Variants in DNAAF9 observed in about 807,000 individuals in gnomAD.
DNAAF9 encodes the protein shulin.
DNAAF9 carries 90 observed loss-of-function variants against 167.0 expected under a neutral mutation model. The observed-to-expected ratio is 0.54, with a 90% CI of 0.45 to 0.64. The LOEUF (loss-of-function observed/expected upper bound fraction) is 0.64, where lower values mean the gene tolerates loss of function less well. Ranked by LOEUF, DNAAF9 falls within the 30% of genes least tolerant of loss-of-function variation. The pLI, the probability that DNAAF9 is intolerant of heterozygous loss-of-function variation, is 0.00. For synonymous variants in DNAAF9, 491 were observed against 508.8 expected (o/e 0.96, Z 0.47); for missense variants, 1,315 against 1,442.2 (o/e 0.91, Z 1.43).
intron 7 of DNAAF9, among the ~76,000 whole-genome samples, chr20:3,350,988 A>G (rs2070311709): frequency 1.3e-5 from 2 of 152,290 alleles, no homozygotes; most frequent in African/African-American, 4.8e-5. Flanking sequence ...GGATCTAGGG[A>G]TTACACATCC....
At chr20:3,328,014 A>C (rs2069743403) in intron 12 of DNAAF9, among the ~76,000 whole-genome samples, 1 of 152,156 alleles carries the variant, frequency 6.6e-6, no homozygotes, top group Non-Finnish European at 1.5e-5. Flanking sequence ...CCAAACCCAA[A>C]GACATGCAAA....
At chr20:3,327,824 T>C (rs924498673) in intron 12 of DNAAF9, among the ~76,000 whole-genome samples, 1 of 152,294 alleles carries the variant, frequency 6.6e-6, no homozygotes, top group Non-Finnish European at 1.5e-5. Flanking sequence ...CTGCACCACA[T>C]GCAGGACATG....
At chr20:3,332,900 G>GGGGTGT (rs1555793067) in intron 10 of DNAAF9, among the ~76,000 whole-genome samples, 4 of 146,840 alleles carry the variant, frequency 2.7e-5, no homozygotes, top group Admixed American at 6.8e-5. Flanking sequence ...GTGTGCGTGT[G>GGGGTGT]GTGTGTGTGT....
In DNAAF9 at chr20:3,251,812, C is replaced by T. The variant is rs1398444820; in HGVS notation, c.*760G>A. On this transcript the variant is annotated 3_prime_UTR_variant, in exon 37 of 37. Transcript: ENST00000252032. ...CCAGGGGGCCTGAGCAGCAGGCTTG[C>T]TCTTGTCCCTACATTAGGACACCCG... The T allele has an allele frequency of 6.6e-6, 1 of 152,318 alleles. No individual in the cohort carries two copies. Among genetic ancestry groups the T allele is most frequent in the Non-Finnish European group, 1.5e-5 (1 of 68,090 alleles). The allele number at this position is 152,318 out of a possible 1,614,324, so 9.4% of individuals were successfully genotyped here.
At chr20:3,278,292 G>C (rs530831688) in intron 29 of DNAAF9, among the ~76,000 whole-genome samples, 1 of 152,188 alleles carries the variant, frequency 6.6e-6, no homozygotes, top group African/African-American at 2.4e-5. Flanking sequence ...AGCACTCTTG[G>C]GGCAGAAGTG....
At chr20:3,264,415 T>A in intron 31 of DNAAF9, 23 bp downstream of exon 31, 1 of 1,061,800 alleles carries the variant, frequency 9.4e-7, no homozygotes. Flanking sequence ...AAATCTTAGT[T>A]ATTTTTCAAT....
At chr20:3,388,221 T>C (rs529057640) in intron 1 of DNAAF9, among the ~76,000 whole-genome samples, 1 of 152,330 alleles carries the variant, frequency 6.6e-6, no homozygotes, top group East Asian at 1.9e-4. Context: ...TCCATTAGTA[T>C]GGCTACTATC....
chr20:3,256,206 C>A lies in DNAAF9; in HGVS notation c.3061G>T (p.Glu1021Ter), dbSNP rs1568559416. 1 of 1,613,044 alleles carries A rather than the reference C, an allele frequency of 6.2e-7. No individual in the cohort carries two copies. The highest frequency in any genetic ancestry group is 8.5e-7 in the Non-Finnish European group (1 of 1,179,112). ...ILGKVKFSDS[E>*]RTMEVCYNTL... Reference sequence around the variant, plus strand: ...TTGTAGCAGACCTCCATGGTCCTCTCAGAGTCTGTAAGGAGAATACACATT... The same window carrying A: ...TTGTAGCAGACCTCCATGGTCCTCTAAGAGTCTGTAAGGAGAATACACATT... The change falls in exon 34 of 37, where the codon GAG (glutamate) becomes TAG (stop). Residue 1021 changes from glutamate to a stop codon, truncating the protein, a stop_gained. Coordinates refer to ENST00000252032, the MANE Select transcript of DNAAF9 (RefSeq NM_001009984.3). LOFTEE classifies it high-confidence loss of function.
At chr20:3,285,875 G>C (rs1437256588) in intron 27 of DNAAF9, among the ~76,000 whole-genome samples, 1 of 151,442 alleles carries the variant, frequency 6.6e-6, no homozygotes, top group Admixed American at 6.6e-5. Flanking sequence ...AGCTACTTGG[G>C]AGGCTGAAGT....
intron 11 of DNAAF9, 109 bp from the exon 12 acceptor site, chr20:3,330,791 C>CATT (rs1286704319): frequency 7.2e-6 from 3 of 414,926 alleles, no homozygotes; most frequent in Admixed American, 5.1e-5. Flanking sequence ...AAGAACTACA[C>CATT]TTTTTTTTTT....
chr20:3,404,375 G>T (rs1414045348), intron 1 of DNAAF9, among the ~76,000 whole-genome samples: 1 of 152,090 alleles, frequency 6.6e-6, no homozygotes, highest in East Asian at 1.9e-4. Context: ...AATCTCATTC[G>T]GCTTTCAATG....
At chr20:3,316,105 T>C (rs972471334) in intron 18 of DNAAF9, 2 of 400,350 alleles carry the variant, frequency 5.0e-6, no homozygotes, top group East Asian at 9.2e-5. Flanking sequence ...GCAAAGATAA[T>C]GTATTAAAAT....
chr20:3,372,417 T>C (rs969169219), intron 6 of DNAAF9, among the ~76,000 whole-genome samples: 15 of 152,242 alleles, frequency 9.9e-5, no homozygotes, highest in Non-Finnish European at 2.1e-4. Flanking sequence ...AGAAGACCTA[T>C]AGTAACTCTT....
At chr20:3,374,958 A>C (rs1773139756) in intron 5 of DNAAF9, 72 bp downstream of exon 5, 1 of 790,562 alleles carries the variant, frequency 1.3e-6, no homozygotes, top group South Asian at 1.6e-5. Flanking sequence ...CCCCAATGAA[A>C]GGAAAAGTAG....
intron 23 of DNAAF9, chr20:3,295,452 T>G (rs540594789): frequency 4.1e-4 from 116 of 280,344 alleles, no homozygotes; most frequent in Non-Finnish European, 7.3e-4. Flanking sequence ...GTGCTGGGAT[T>G]ACAGGCGTGA....
At chr20:3,295,869 T>C (rs1018706675) in intron 23 of DNAAF9, 1 of 1,084,884 alleles carries the variant, frequency 9.2e-7, no homozygotes, top group Non-Finnish European at 1.4e-6. Context: ...TCCTTTAATG[T>C]TCTCATGGGA....
At chr20:3,334,433 T>C (rs1463510835) in intron 10 of DNAAF9, among the ~76,000 whole-genome samples, 3 of 152,254 alleles carry the variant, frequency 2.0e-5, no homozygotes, top group Non-Finnish European at 4.4e-5. Flanking sequence ...TGACAGCTCT[T>C]TTCTTTTTAT....
chr20:3,348,624 C>A lies in DNAAF9; in HGVS notation c.691-1G>T. The A allele has an allele frequency of 6.3e-7, 1 of 1,582,282 alleles. No homozygotes were observed. The highest frequency in any genetic ancestry group is 1.2e-5 in the South Asian group (1 of 86,410). On this transcript the variant is annotated splice_acceptor_variant, in intron 7 of 36. Transcript: ENST00000252032. LOFTEE classifies it high-confidence loss of function. ...ACTGATGTTCAAAAGCCACCAAATC[C>A]TGGGAAAAAAAGGAAAAAGATAACG...
chr20:3,320,595 A>G (rs975229496), intron 16 of DNAAF9, among the ~76,000 whole-genome samples: 15 of 152,214 alleles, frequency 9.9e-5, no homozygotes, highest in African/African-American at 3.4e-4. Flanking sequence ...GTATTTCCCA[A>G]TGTTTTAATG....
Sources: gnomAD v4.1 joint callset for allele counts (sites outside exome capture counted in the v4.1 genomes callset) on GRCh38, gnomAD v4.1.1 for gene constraint, MANE v1.5 for transcripts, NCBI Gene and HGNC (gene_info 2026-07-23, HGNC 2026-07-21) for gene names.